REV3L: variants seen among roughly 807,000 people sequenced by gnomAD.
REV3L encodes DNA polymerase zeta catalytic subunit.
In REV3L, 69 loss-of-function variants were observed where a neutral mutation model predicts 299.4. That is an observed-to-expected ratio of 0.23 (90% CI 0.19 to 0.28). The LOEUF is 0.28. REV3L is among the 10% of genes least tolerant of loss of function. The probability of loss-of-function intolerance (pLI) is 1.00; values close to 1 mark genes in which losing one functional copy is unlikely to be tolerated. For synonymous variants in REV3L, 1,238 were observed against 1,271.4 expected, an observed-to-expected ratio of 0.97 and a Z score of 0.56; for missense variants, 3,128 against 3,693.8, an observed-to-expected ratio of 0.85 and a Z score of 3.97.
At chr6:111,349,149 TATA>T in intron 20 of REV3L, 66 bp downstream of exon 20, 1 of 819,628 alleles carries the variant, frequency 1.2e-6, no homozygotes, top group South Asian at 1.5e-5. Context: ...ACTAATACTC[TATA>T]ATGATTAAAT....
chr6:111,478,912 T>G (rs965869355), intron 1 of REV3L, among the ~76,000 whole-genome samples: 1 of 152,192 alleles, frequency 6.6e-6, no homozygotes, highest in African/African-American at 2.4e-5. Flanking sequence ...GTTTAATTCC[T>G]TGCTTTGTGG....
intron 1 of REV3L, chr6:111,471,960 G>T: frequency 9.4e-7 from 1 of 1,064,268 alleles, no homozygotes; most frequent in Non-Finnish European, 1.2e-6. Flanking sequence ...CAATGCCAAG[G>T]CTCACCCCCA....
At chr6:111,434,568 A>G (rs1787327904) in intron 1 of REV3L, among the ~76,000 whole-genome samples, 1 of 151,848 alleles carries the variant, frequency 6.6e-6, no homozygotes, top group South Asian at 2.1e-4. Context: ...GCAGTGAGCC[A>G]AGATTGTGCC....
At chr6:111,468,461 T>C (rs1257087975) in intron 1 of REV3L, among the ~76,000 whole-genome samples, 1 of 151,824 alleles carries the variant, frequency 6.6e-6, no homozygotes, top group Non-Finnish European at 1.5e-5. Context: ...AACAGGAAAA[T>C]GGGTAAAAGA....
At chr6:111,451,122 C>A (rs1277155785) in intron 1 of REV3L, among the ~76,000 whole-genome samples, 1 of 151,996 alleles carries the variant, frequency 6.6e-6, no homozygotes, top group Non-Finnish European at 1.5e-5. Context: ...GTGTAAGAAG[C>A]CAAATTGCCA....
At chr6:111,325,145 G>A (rs949961722) in intron 25 of REV3L, among the ~76,000 whole-genome samples, 1 of 152,166 alleles carries the variant, frequency 6.6e-6, no homozygotes, top group African/African-American at 2.4e-5. Context: ...ACAGGCGTGA[G>A]CCACTGCACC....
intron 5 of REV3L, among the ~76,000 whole-genome samples, chr6:111,391,736 A>T (rs566895458): frequency 3.3e-5 from 5 of 152,290 alleles, no homozygotes; most frequent in South Asian, 4.2e-4. Context: ...TCTACAAAAA[A>T]TTTTTTTAAA....
intron 1 of REV3L, chr6:111,430,882 TCTC>T (rs1297689940): frequency 4.1e-5 from 65 of 1,604,888 alleles, no homozygotes; most frequent in Admixed American, 1.7e-5. Context: ...TGTTGGGACT[TCTC>T]CATCCTGTGG....
rs1342927106 is a variant in REV3L, at chr6:111,392,988, TA to T, written c.566-17del. The T allele has an allele frequency of 2.0e-6, 3 of 1,510,500 alleles. No homozygotes were observed. The East Asian group carries it at 6.8e-5, about 34-fold the overall frequency. 93.6% of individuals were successfully genotyped at this position (1,510,500 alleles called of 1,614,324 possible). A position where few individuals can be genotyped will look rare whatever the true frequency, so the allele number is the denominator to read the frequency against. ...AATGTATTACCTAGGAATAGAAAGG[TA>T]AAAGGAATAAATTCTACTTTCAATT... On this transcript the variant is annotated splice_polypyrimidine_tract_variant and intron_variant, in intron 4 of 31. Transcript: ENST00000368802.
Position 111,408,602 on chromosome 6 carries a change from A to AAAAACAAAACAAAACAAAACAAAAC in REV3L, c.404+2853_404+2877dup, listed in dbSNP as rs75742786. Among the ~76,000 whole-genome samples the AAAAACAAAACAAAACAAAACAAAAC allele has an allele frequency of 6.8e-5, 10 of 148,120 alleles. No homozygotes were observed. The East Asian group carries it at 1.2e-3, about 18-fold the overall frequency. On this transcript the variant is annotated intron_variant, in intron 3 of 31. Coordinates refer to ENST00000368802, the MANE Select transcript of REV3L (RefSeq NM_001372078.1). ...CTGGGCAACAGTGAGACTCCATCTTAAAAACAAAACAAAACAAAACAAAAC... is the reference window on the plus strand; with the variant it reads ...CTGGGCAACAGTGAGACTCCATCTTAAAAACAAAACAAAACAAAACAAAACAAAACAAAACAAAACAAAACAAAAC...
chr6:111,470,987 T>A (rs1278802528), intron 1 of REV3L, among the ~76,000 whole-genome samples: 1 of 151,742 alleles, frequency 6.6e-6, no homozygotes, highest in Non-Finnish European at 1.5e-5. Flanking sequence ...CTCAAAAAAA[T>A]AAATAAATAA....
intron 4 of REV3L, among the ~76,000 whole-genome samples, chr6:111,397,804 T>C (rs1256759839): frequency 6.6e-6 from 1 of 151,880 alleles, no homozygotes; most frequent in Non-Finnish European, 1.5e-5. Context: ...ACCTGGCTGA[T>C]TTTTATCTTT....
Position 111,467,905 on chromosome 6 carries a change from T to C in REV3L, c.139+14845A>G, listed in dbSNP as rs183316869. Among the ~76,000 whole-genome samples, 269 of 152,218 alleles carry C rather than the reference T, an allele frequency of 1.8e-3. 1 individual carries two copies. Among genetic ancestry groups the C allele is most frequent in the African/African-American group, 6.2e-3 (259 of 41,550 alleles). On this transcript the variant is annotated intron_variant, in intron 1 of 31. Coordinates refer to ENST00000368802, the MANE Select transcript of REV3L (RefSeq NM_001372078.1). ...ACTACCATGATCTATGCATGTTTTA[T>C]ACACATCACACACACAAACACACAC...
At chr6:111,346,126 G>T (rs554924020) in intron 20 of REV3L, among the ~76,000 whole-genome samples, 236 of 152,210 alleles carry the variant, frequency 1.6e-3, no homozygotes, top group African/African-American at 5.3e-3. Context: ...CCGCCTTCCT[G>T]TCTGTTACTA....
At chr6:111,303,522 A>G (rs963778593) in intron 31 of REV3L, among the ~76,000 whole-genome samples, 4 of 151,156 alleles carry the variant, frequency 2.6e-5, no homozygotes, top group African/African-American at 9.7e-5. Flanking sequence ...GCCTGCCACC[A>G]TACCCTGCTA....
In REV3L at chr6:111,374,616, T is replaced by G. The variant is rs767640156; in HGVS notation, c.3739A>C (p.Asn1247His). 6.2e-7 allele frequency: 1 copy of G among 1,613,756 alleles called. No individual in the cohort carries two copies. ...GAACTACTTGCAAATTCAGACACAT[T>G]CTGGTGTTTCAGTACAAACTTAACC... ...AEVKFVLKHQ[N>H]VSEFASSSGG... is the part of the protein sequence containing the mutation. The change falls in exon 13 of 32, where the codon AAT becomes CAT. Residue 1247 changes from asparagine (N) to histidine (H), a missense_variant. Transcript: ENST00000368802.
In REV3L at chr6:111,374,640, C is replaced by T; in HGVS notation, c.3715G>A (p.Val1239Ile). 2 of 1,613,732 alleles carry T rather than the reference C, an allele frequency of 1.2e-6. No individual in the cohort carries two copies. Among genetic ancestry groups the T allele is most frequent in the South Asian group, 1.1e-5 (1 of 90,974 alleles). The change falls in exon 13 of 32, where the codon GTT (valine) becomes ATT (isoleucine). Residue 1239 changes from valine (V) to isoleucine (I), a missense_variant. Physicochemically the swap from Val to Ile is conservative, Grantham distance 29. This residue lies in a region of REV3L where 2,409 missense variants were observed against 2,611.8 expected (regional missense o/e 0.92). Transcript: ENST00000368802. ...EKIKSQSGAE[V>I]KFVLKHQNVS... ...TTCTGGTGTTTCAGTACAAACTTAA[C>T]CTCAGCACCAGACTGAGATTTTATT... is the stretch of plus-strand genomic sequence containing the variant.
upstream of REV3L, chr6:111,483,407 G>A: frequency 2.3e-6 from 1 of 437,224 alleles, no homozygotes; most frequent in Non-Finnish European, 4.1e-6. Context: ...GCGGCCGGCG[G>A]CCGGCAGCGC....
At chr6:111,381,291 A>G in intron 10 of REV3L, 34 bp downstream of exon 10, 2 of 1,605,902 alleles carry the variant, frequency 1.2e-6, no homozygotes, top group African/African-American at 2.7e-5. Context: ...TCTGAATTAC[A>G]ATACTGAATA....
Sources: gnomAD v4.1 joint callset for allele counts (sites outside exome capture counted in the v4.1 genomes callset) on GRCh38, gnomAD v4.1.1 for gene constraint, gnomAD v4.1.1 regional missense constraint, MANE v1.5 for transcripts, NCBI Gene and HGNC (gene_info 2026-07-23, HGNC 2026-07-21) for gene names.